Variants in NUFIP2 observed in about 807,000 individuals in gnomAD.
NUFIP2 encodes FMR1-interacting protein NUFIP2.
Under a neutral mutation model 56.9 loss-of-function variants are expected in NUFIP2, and 6 were observed. The observed-to-expected ratio is 0.11, with a 90% CI of 0.06 to 0.21. The LOEUF is 0.21. Ranked by LOEUF, NUFIP2 falls within the 10% of genes least tolerant of loss-of-function variation. NUFIP2 has a pLI of 1.00. For synonymous variants in NUFIP2, 321 were observed against 298.2 expected, an observed-to-expected ratio of 1.08 and a Z score of -0.79; for missense variants, 828 against 826.8, an observed-to-expected ratio of 1.00 and a Z score of -0.02.
In NUFIP2 at chr17:29,286,215, C is replaced by T; in HGVS notation, c.1779G>A (p.Leu593=). The change falls in exon 2 of 4, where the codon TTG becomes TTA. Residue 593 remains leucine, a synonymous_variant. Coordinates refer to ENST00000225388, the MANE Select transcript of NUFIP2 (RefSeq NM_020772.3). The part of the protein sequence containing the change: ...GTTSESGALS[L]EPSHIGDLQK... ...GCAGGTCACCTATATGACTGGGTTC[C>T]AAGGATAAGGCTCCACTCTCACTAG... The T allele has an allele frequency of 6.2e-7, 1 of 1,614,078 alleles. No homozygotes were observed. Among genetic ancestry groups the T allele is most frequent in the Non-Finnish European group, 8.5e-7 (1 of 1,180,008 alleles).
chr17:29,259,801 C>T lies in NUFIP2; in HGVS notation c.*4738G>A, dbSNP rs575753976. 3 of 152,224 alleles carry T rather than the reference C, an allele frequency of 2.0e-5. No individual in the cohort carries two copies. In the South Asian group the frequency reaches 6.2e-4, roughly 32 times the overall value. The allele number at this position is 152,224 out of a possible 1,614,324, so 9.4% of individuals were successfully genotyped here. ...GCAATGGGTGTTTTTATTATGCAGA[C>T]AACCGAAAATTCTATTCGCACTATT... is the stretch of plus-strand genomic sequence containing the variant. On this transcript the variant is annotated 3_prime_UTR_variant, in exon 4 of 4. Coordinates refer to ENST00000225388, the MANE Select transcript of NUFIP2 (RefSeq NM_020772.3).
intron 2 of NUFIP2, among the ~76,000 whole-genome samples, chr17:29,272,970 C>T (rs2069084842): frequency 6.6e-6 from 1 of 151,894 alleles, no homozygotes; most frequent in Non-Finnish European, 1.5e-5. Flanking sequence ...CTGCCTCAGC[C>T]TCCCAAATAG....
At position 29,268,798 on chromosome 17, in the gene NUFIP2, G is replaced by C. The variant is rs188108496; in HGVS notation, c.2003-1268C>G. Among the ~76,000 whole-genome samples the C allele has an allele frequency of 5.6e-3, 854 of 151,898 alleles. 5 individuals carry two copies. The highest frequency in any genetic ancestry group is 0.02 in the African/African-American group (820 of 41,392). On this transcript the variant is annotated intron_variant, in intron 2 of 3. Transcript: ENST00000225388. ...CCCACCTCAGCCCCCCAAAGTGCTGGGATTACAAGCATCAGCCACCACACC... is the reference window on the plus strand; with the variant it reads ...CCCACCTCAGCCCCCCAAAGTGCTGCGATTACAAGCATCAGCCACCACACC...
At chr17:29,278,843 A>G (rs1379721725) in intron 2 of NUFIP2, among the ~76,000 whole-genome samples, 1 of 152,214 alleles carries the variant, frequency 6.6e-6, no homozygotes, top group Non-Finnish European at 1.5e-5. Context: ...TAAAGCAGAC[A>G]TCATGAAACA....
intron 1 of NUFIP2, 40 bp downstream of exon 1, chr17:29,293,743 A>G (rs1194086118): frequency 2.8e-6 from 2 of 702,052 alleles, no homozygotes; most frequent in Admixed American, 3.1e-5. Flanking sequence ...CCTGTCCTCC[A>G]CCCCCAACCC....
rs2068976301 is a variant in NUFIP2, at chr17:29,257,244, G to A, written c.*7295C>T. On this transcript the variant is annotated 3_prime_UTR_variant, in exon 4 of 4. Coordinates refer to ENST00000225388, the MANE Select transcript of NUFIP2 (RefSeq NM_020772.3). ...CACTGATGAGCTAGCCCAGAACTAT[G>A]TAACTTTGAGCCAAGTTTCCAAAGA... The A allele has an allele frequency of 6.6e-6, 1 of 152,156 alleles. No homozygotes were observed. The highest frequency in any genetic ancestry group is 2.1e-4 in the South Asian group (1 of 4,832). 9.4% of individuals were successfully genotyped at this position (152,156 alleles called of 1,614,324 possible).
intron 2 of NUFIP2, among the ~76,000 whole-genome samples, chr17:29,272,108 G>GGGGAC (rs2069077761): frequency 6.8e-6 from 1 of 148,040 alleles, no homozygotes; most frequent in Non-Finnish European, 1.5e-5. Context: ...GGGGAGGGGA[G>GGGGAC]AAGAGAAGAG....
rs1460190308 is a variant in NUFIP2 at position 29,286,281 on chromosome 17, A to G, written c.1713T>C (p.Thr571=). The change falls in exon 2 of 4, where the codon ACT becomes ACC. Residue 571 remains threonine, a synonymous_variant. Transcript: ENST00000225388. ...FPKAYELEKR[T]SPQVLGSILK... ...GAATGCTACCCAGAACTTGAGGACT[A>G]GTCCGTTTCTCCAGCTCGTAAGCCT... 1.9e-6 allele frequency: 3 copies of G among 1,614,220 alleles called. No homozygotes were observed. In the South Asian group the frequency reaches 3.3e-5, roughly 18 times the overall value.
chr17:29,293,620 T>C (rs1486133374), intron 1 of NUFIP2, among the ~76,000 whole-genome samples, 163 bp downstream of exon 1: 1 of 151,814 alleles, frequency 6.6e-6, no homozygotes, highest in African/African-American at 2.4e-5. Flanking sequence ...GCAAACCCCA[T>C]TGCTCAGCCC....
chr17:29,272,105 G>GGAGAA (rs1296627700), intron 2 of NUFIP2, among the ~76,000 whole-genome samples: 24 of 138,150 alleles, frequency 1.7e-4, no homozygotes, highest in African/African-American at 4.4e-4. Context: ...GGAGGGGAGG[G>GGAGAA]GAGAAGAGAA....
intron 1 of NUFIP2, among the ~76,000 whole-genome samples, chr17:29,290,237 T>A (rs994603766): frequency 6.6e-6 from 1 of 152,190 alleles, no homozygotes. Flanking sequence ...GGTTACATTT[T>A]TAAAAATTTT....
At chr17:29,288,823 G>C (rs898545074) in intron 1 of NUFIP2, among the ~76,000 whole-genome samples, 3 of 152,162 alleles carry the variant, frequency 2.0e-5, no homozygotes, top group African/African-American at 7.2e-5. Context: ...ACAATAAAAA[G>C]AATCCAATTT....
chr17:29,279,692 T>G (rs2069128867), intron 2 of NUFIP2, among the ~76,000 whole-genome samples: 1 of 152,184 alleles, frequency 6.6e-6, no homozygotes, highest in African/African-American at 2.4e-5. Context: ...CTTCAAATTT[T>G]TTTGTAGAAA....
chr17:29,271,252 A>G (rs1008618137), intron 2 of NUFIP2, among the ~76,000 whole-genome samples: 4 of 152,068 alleles, frequency 2.6e-5, no homozygotes, highest in Admixed American at 1.3e-4. Flanking sequence ...ATAAATCAGC[A>G]TATTCCTGGT....
chr17:29,276,042 A>ATATATATATATATATATATATC (rs1206998852), intron 2 of NUFIP2, among the ~76,000 whole-genome samples: 1 of 150,146 alleles, frequency 6.7e-6, no homozygotes, highest in African/African-American at 2.5e-5. Flanking sequence ...ATATATATAT[A>ATATATATATATATATATATATC]TATATATCTG....
intron 2 of NUFIP2, among the ~76,000 whole-genome samples, chr17:29,282,849 T>G (rs970663081): frequency 6.6e-6 from 1 of 150,744 alleles, no homozygotes; most frequent in Admixed American, 6.6e-5. Flanking sequence ...GATTATTACT[T>G]CTTTTAGAGT....
chr17:29,265,654 A>C (rs2069031363), intron 3 of NUFIP2, among the ~76,000 whole-genome samples: 1 of 146,470 alleles, frequency 6.8e-6, no homozygotes, highest in Admixed American at 6.9e-5. Flanking sequence ...TATTATATAT[A>C]TACACACACA....
chr17:29,275,040 T>C (rs1433670121), intron 2 of NUFIP2, among the ~76,000 whole-genome samples: 1 of 148,016 alleles, frequency 6.8e-6, no homozygotes, highest in African/African-American at 2.5e-5. Context: ...TTTTGTTTTT[T>C]TGAGAAGGAG....
chr17:29,273,630 T>C (rs1712654), intron 2 of NUFIP2, among the ~76,000 whole-genome samples: 62,586 of 151,998 alleles, frequency 0.41, 12,891 homozygotes, highest in East Asian at 0.54. Context: ...CCAGACCTAA[T>C]AGAACGTAAG....
Sources: allele counts gnomAD v4.1 joint callset (sites outside exome capture counted in the v4.1 genomes callset), GRCh38; gene constraint gnomAD v4.1.1; transcripts MANE v1.5; gene names NCBI Gene and HGNC (gene_info 2026-07-23, HGNC 2026-07-21).